The following TARS3 variants were observed in gnomAD, a reference collection of about 807,000 sequenced individuals.
TARS3 encodes the protein threonine--tRNA ligase 2, cytoplasmic.
TARS3 carries 94 observed loss-of-function variants against 103.5 expected under a neutral mutation model. The observed-to-expected ratio is 0.91, with a 90% confidence interval of 0.77 to 1.08. The LOEUF (loss-of-function observed/expected upper bound fraction) is 1.08, where lower values mean the gene tolerates loss of function less well. TARS3 is among the 50% of genes least tolerant of loss of function. The probability of loss-of-function intolerance (pLI) is 0.00; values close to 1 mark genes in which losing one functional copy is unlikely to be tolerated. For missense variants in TARS3, 952 were observed against 995.2 expected, an observed-to-expected ratio of 0.96 and a Z score of 0.58; for synonymous variants, 416 against 355.4, an observed-to-expected ratio of 1.17 and a Z score of -1.92.
At chr15:101,707,286 G>A (rs922537781) in intron 6 of TARS3, among the ~76,000 whole-genome samples, 5 of 152,144 alleles carry the variant, frequency 3.3e-5, no homozygotes, top group African/African-American at 1.2e-4. Flanking sequence ...GCGAGTTCTC[G>A]AAAACTTAAA....
intron 3 of TARS3, among the ~76,000 whole-genome samples, chr15:101,720,825 CTGA>C (rs540147750): frequency 6.4e-4 from 98 of 152,254 alleles, no homozygotes; most frequent in Non-Finnish European, 1.1e-3. Context: ...CTCATGAGAT[CTGA>C]TGGTTTTATA....
intron 3 of TARS3, among the ~76,000 whole-genome samples, chr15:101,716,917 T>G (rs1900186210): frequency 1.4e-5 from 2 of 144,770 alleles, no homozygotes; most frequent in South Asian, 4.3e-4. Flanking sequence ...AGTGCAAAGG[T>G]GCAATGTCGG....
At chr15:101,700,991 G>T in intron 10 of TARS3, 95 bp downstream of exon 10, 1 of 781,292 alleles carries the variant, frequency 1.3e-6, no homozygotes, top group Non-Finnish European at 2.0e-6. Flanking sequence ...CCAAAGTAAA[G>T]TTAATGGAAA....
At chr15:101,708,064 C>A (rs2141439281) in intron 6 of TARS3, among the ~76,000 whole-genome samples, 1 of 151,860 alleles carries the variant, frequency 6.6e-6, no homozygotes, top group East Asian at 1.9e-4. Context: ...GCCAACATGG[C>A]AAAACTTTGT....
At chr15:101,711,786 GC>G in intron 5 of TARS3, 93 bp downstream of exon 5, 1 of 1,438,250 alleles carries the variant, frequency 7.0e-7, no homozygotes, top group Admixed American at 2.1e-5. Context: ...TTATGTAAGG[GC>G]CAGCAGTATA....
chr15:101,663,453 C>T (rs1897459361), intron 15 of TARS3, among the ~76,000 whole-genome samples: 1 of 152,222 alleles, frequency 6.6e-6, no homozygotes, highest in African/African-American at 2.4e-5. Context: ...TGTAAGTACA[C>T]TCCGTGATGT....
Position 101,654,352 on chromosome 15 carries a change from A to G in TARS3, c.*230T>C, listed in dbSNP as rs148531859. On this transcript the variant is annotated 3_prime_UTR_variant, in exon 19 of 19. Transcript: ENST00000335968. The stretch of plus-strand genomic sequence containing the variant: ...AATATTTCCCCATTTAAGTTTCTCA[A>G]GGCATTGATTGCTGGAAAATTTCCC... The G allele has an allele frequency of 1.1e-3, 485 of 424,098 alleles. 2 individuals carry two copies. Among genetic ancestry groups the G allele is most frequent in the African/African-American group, 9.2e-3 (448 of 48,894 alleles). The allele number at this position is 424,098 out of a possible 1,614,324, so 26.3% of individuals were successfully genotyped here.
At position 101,694,185 on chromosome 15, in the gene TARS3, C is replaced by T. The variant is rs1220564895; in HGVS notation, c.1320+6901G>A. Among the ~76,000 whole-genome samples, 3 of 152,160 alleles carry T rather than the reference C, an allele frequency of 2.0e-5. No individual in the cohort carries two copies. The East Asian group carries it at 5.8e-4, about 29-fold the overall frequency. ...AATATACAAACAAAAGTTCACTTGCCTTTACTTAAACCTAAGTGGAAGTCA... is the reference window on the plus strand; with the variant it reads ...AATATACAAACAAAAGTTCACTTGCTTTTACTTAAACCTAAGTGGAAGTCA... On this transcript the variant is annotated intron_variant, in intron 10 of 18. Transcript: ENST00000335968.
chr15:101,688,938 C>A (rs1476483180), intron 10 of TARS3, among the ~76,000 whole-genome samples: 1 of 152,166 alleles, frequency 6.6e-6, no homozygotes, highest in Non-Finnish European at 1.5e-5. Context: ...AGTCCTATGT[C>A]TGTGGCTTTT....
At chr15:101,722,723 G>A (rs1900546563) in intron 2 of TARS3, among the ~76,000 whole-genome samples, 1 of 150,728 alleles carries the variant, frequency 6.6e-6, no homozygotes, top group Non-Finnish European at 1.5e-5. Context: ...GGAGGCTGAG[G>A]CAGGAGAATC....
intron 18 of TARS3, 120 bp from the exon 19 acceptor site, chr15:101,654,850 T>TAGTA: frequency 2.1e-6 from 2 of 944,552 alleles, no homozygotes; most frequent in Non-Finnish European, 3.2e-6. Flanking sequence ...TATCATCTAA[T>TAGTA]GAGCATTTGG....
At chr15:101,663,498 C>A (rs1897462323) in intron 15 of TARS3, among the ~76,000 whole-genome samples, 1 of 152,248 alleles carries the variant, frequency 6.6e-6, no homozygotes, top group Admixed American at 6.5e-5. Flanking sequence ...CGACACATTT[C>A]TCCAAACATA....
chr15:101,713,993 G>A (rs1900001391), intron 4 of TARS3, among the ~76,000 whole-genome samples: 1 of 152,144 alleles, frequency 6.6e-6, no homozygotes, highest in East Asian at 1.9e-4. Flanking sequence ...CATAAGCCTT[G>A]CAATTATTGT....
At position 101,657,031 on chromosome 15, in the gene TARS3, G is replaced by T; in HGVS notation, c.2151C>A (p.Ser717=). The T allele has an allele frequency of 1.2e-6, 2 of 1,605,684 alleles. No individual in the cohort carries two copies. The highest frequency in any genetic ancestry group is 1.7e-6 in the Non-Finnish European group (2 of 1,172,676). ...TAAATCCTTCTTCAAAAAATTCACT[G>T]GATACCTAGAAGAAAATGAAACACC... ...PTCEKYALQV[S]SEFFEEGFMA... Residue 717 remains serine, a synonymous_variant, in exon 18 of 19, where the codon TCC becomes TCA. Transcript: ENST00000335968.
intron 15 of TARS3, among the ~76,000 whole-genome samples, chr15:101,665,683 T>C (rs1897552926): frequency 6.6e-6 from 1 of 152,222 alleles, no homozygotes; most frequent in Non-Finnish European, 1.5e-5. Flanking sequence ...GGCATCTCAG[T>C]TATTTACATA....
chr15:101,673,839 C>T (rs1596294257), intron 13 of TARS3, among the ~76,000 whole-genome samples: 1 of 152,148 alleles, frequency 6.6e-6, no homozygotes, highest in African/African-American at 2.4e-5. Context: ...AGCCTCTGCT[C>T]GGCTTCTGCA....
At chr15:101,663,721 G>A (rs570926455) in intron 15 of TARS3, among the ~76,000 whole-genome samples, 1 of 152,062 alleles carries the variant, frequency 6.6e-6, no homozygotes, top group East Asian at 1.9e-4. Flanking sequence ...GATTCTGTTG[G>A]ATTTCTCTAT....
At chr15:101,717,400 T>C (rs1004771758) in intron 3 of TARS3, among the ~76,000 whole-genome samples, 4 of 152,250 alleles carry the variant, frequency 2.6e-5, no homozygotes, top group African/African-American at 9.6e-5. Flanking sequence ...TTAGATGTTA[T>C]TAATCAAGTA....
intron 2 of TARS3, 98 bp downstream of exon 2, chr15:101,722,995 A>C (rs771916649): frequency 3.5e-5 from 40 of 1,128,662 alleles, no homozygotes; most frequent in Admixed American, 6.0e-5. Context: ...ATAATAATTT[A>C]ATCAGTAATT....
Sources: gnomAD v4.1 joint callset for allele counts (sites outside exome capture counted in the v4.1 genomes callset) on GRCh38, gnomAD v4.1.1 for gene constraint, MANE v1.5 for transcripts, NCBI Gene and HGNC (gene_info 2026-07-23, HGNC 2026-07-21) for gene names.